Variants in PATJ observed in about 807,000 individuals in gnomAD.
The protein encoded by PATJ is inaD-like protein.
In PATJ, 190 loss-of-function variants were observed where a neutral mutation model predicts 224.9. That is an observed-to-expected ratio of 0.84 (90% CI 0.75 to 0.95). PATJ has a LOEUF of 0.95. Ranked by LOEUF, PATJ falls within the 40% of genes least tolerant of loss-of-function variation. The pLI, the probability that PATJ is intolerant of heterozygous loss-of-function variation, is 0.00. For synonymous variants in PATJ, 769 were observed against 820.3 expected, an observed-to-expected ratio of 0.94 and a Z score of 1.07; for missense variants, 2,121 against 2,270.3, an observed-to-expected ratio of 0.93 and a Z score of 1.34.
At chr1:61,978,422 TG>T (rs113440349) in intron 27 of PATJ, among the ~76,000 whole-genome samples, 4,184 of 151,904 alleles carry the variant, frequency 0.028, 167 homozygotes, top group African/African-American at 0.072. Flanking sequence ...TGTGCTACCA[TG>T]CCCAGCTAAT....
At chr1:62,133,725 G>A (rs1024143543) in intron 41 of PATJ, among the ~76,000 whole-genome samples, 1 of 151,398 alleles carries the variant, frequency 6.6e-6, no homozygotes, top group Non-Finnish European at 1.5e-5. Context: ...TGCAGGAGTG[G>A]AGTGGGATTC....
intron 26 of PATJ, among the ~76,000 whole-genome samples, chr1:61,922,913 T>C (rs1386079513): frequency 1.3e-5 from 2 of 152,244 alleles, no homozygotes; most frequent in East Asian, 3.8e-4. Flanking sequence ...CGTAGGTGAA[T>C]GAACTTGTTA....
At chr1:61,990,416 T>C in intron 28 of PATJ, 52 bp downstream of exon 28, 1 of 1,324,608 alleles carries the variant, frequency 7.5e-7, no homozygotes, top group Non-Finnish European at 1.0e-6. Flanking sequence ...ATGGGTGCAG[T>C]GGATGTTGTA....
chr1:61,946,997 G>A (rs1199408310), intron 27 of PATJ, among the ~76,000 whole-genome samples: 1 of 152,102 alleles, frequency 6.6e-6, no homozygotes, highest in African/African-American at 2.4e-5. Flanking sequence ...TTCAGAAAAG[G>A]CCTTTGACAA....
In PATJ at chr1:62,076,946, G is replaced by T. The variant is rs563773816; in HGVS notation, c.4126-2504G>T. On this transcript the variant is annotated intron_variant, in intron 31 of 43. Transcript: ENST00000642238. ...AGCATAAGAGTCTGTGTGTGGCTGT[G>T]TGTGGTCAGTTGGGGAATGATATGG... Among the ~76,000 whole-genome samples the T allele has an allele frequency of 1.3e-5, 2 of 152,314 alleles. 1 individual carries two copies. The highest frequency in any genetic ancestry group is 4.8e-5 in the African/African-American group (2 of 41,572).
chr1:62,128,756 T>C, intron 40 of PATJ, 85 bp from the exon 41 acceptor site: 4 of 930,790 alleles, frequency 4.3e-6, no homozygotes, highest in Admixed American at 1.7e-5. Flanking sequence ...AAATGGGAAA[T>C]AGGACTCGCA....
At chr1:62,000,782 C>T (rs1645715540) in intron 28 of PATJ, among the ~76,000 whole-genome samples, 1 of 150,794 alleles carries the variant, frequency 6.6e-6, no homozygotes. Flanking sequence ...CACTGACTTC[C>T]CCAAGGGTTG....
At chr1:62,003,197 A>G (rs1216973994) in intron 28 of PATJ, among the ~76,000 whole-genome samples, 2 of 152,170 alleles carry the variant, frequency 1.3e-5, no homozygotes, top group Non-Finnish European at 2.9e-5. Context: ...CACCTACTTC[A>G]TTTGGTCAAG....
intron 28 of PATJ, among the ~76,000 whole-genome samples, chr1:62,008,567 G>T (rs2886449): frequency 0.03 from 4,575 of 151,628 alleles, 217 homozygotes; most frequent in African/African-American, 0.11. Flanking sequence ...GACCAGCCTG[G>T]GTAACATGGC....
At chr1:61,920,058 C>T (rs1001810864) in intron 26 of PATJ, among the ~76,000 whole-genome samples, 3 of 151,790 alleles carry the variant, frequency 2.0e-5, no homozygotes, top group Non-Finnish European at 4.4e-5. Flanking sequence ...AATGATTGCC[C>T]CTTTTGATAC....
chr1:61,749,809 G>T (rs1218721279), intron 1 of PATJ, among the ~76,000 whole-genome samples: 1 of 151,956 alleles, frequency 6.6e-6, no homozygotes, highest in Non-Finnish European at 1.5e-5. Context: ...CTCCTGAGTA[G>T]CTGGGAGTAC....
chr1:61,775,116 A>G (rs1418292055), intron 6 of PATJ, 90 bp from the exon 7 acceptor site: 9 of 1,325,290 alleles, frequency 6.8e-6, no homozygotes, highest in African/African-American at 4.5e-5. Context: ...ATTTGTTGCA[A>G]ATCTGTTACT....
intron 1 of PATJ, 69 bp downstream of exon 1, chr1:61,742,624 C>G (rs2148104132): frequency 6.6e-6 from 1 of 152,236 alleles, no homozygotes; most frequent in East Asian, 1.9e-4. Flanking sequence ...GGAGGCCGGC[C>G]GGGGGCAGCT....
intron 28 of PATJ, among the ~76,000 whole-genome samples, chr1:61,991,146 C>A (rs1019380428): frequency 2.0e-5 from 3 of 151,658 alleles, no homozygotes; most frequent in Non-Finnish European, 4.4e-5. Flanking sequence ...AGAAAACAGA[C>A]GTGAAAAGAT....
chr1:61,894,919 G>A (rs1410813740), intron 22 of PATJ, among the ~76,000 whole-genome samples: 1 of 152,188 alleles, frequency 6.6e-6, no homozygotes, highest in African/African-American at 2.4e-5. Context: ...GGACAATGAA[G>A]TCCAGGCTGA....
rs1167379473 is a variant in PATJ at position 61,910,659 on chromosome 1, A to T, written c.3492+2177A>T. ...TCTCCTTGGCTCAAGCAATCTTCCC[A>T]GTTCAGCCTCCCAAGTGGCTGGGAC... On this transcript the variant is annotated intron_variant, in intron 25 of 43. Coordinates refer to ENST00000642238, the MANE Select transcript of PATJ (RefSeq NM_001350145.3). Among the ~76,000 whole-genome samples the T allele has an allele frequency of 1.1e-4, 15 of 140,246 alleles. No homozygotes were observed. In the Admixed American group the frequency reaches 1.1e-3, roughly 11 times the overall value. 92.0% of individuals were successfully genotyped at this position (140,246 alleles called of 152,430 possible).
Position 62,084,496 on chromosome 1 carries a change from G to A in PATJ, c.4244-19G>A. 6.2e-7 allele frequency: 1 copy of A among 1,605,286 alleles called. No homozygotes were observed. Among genetic ancestry groups the A allele is most frequent in the African/African-American group, 1.3e-5 (1 of 74,608 alleles). On this transcript the variant is annotated intron_variant, in intron 32 of 43. Coordinates refer to ENST00000642238, the MANE Select transcript of PATJ (RefSeq NM_001350145.3). ...GCAGCTCTTACATGCCAGTCATGCT[G>A]TGTTCAATTCTTTTCCAGGTGGTTT...
chr1:61,751,718 A>G (rs1395987619), intron 1 of PATJ, among the ~76,000 whole-genome samples: 1 of 151,902 alleles, frequency 6.6e-6, no homozygotes, highest in African/African-American at 2.4e-5. Flanking sequence ...CTCAGCTACT[A>G]GGGAGGCTGA....
chr1:61,755,199 C>T (rs1025256614), intron 1 of PATJ, among the ~76,000 whole-genome samples: 1 of 150,184 alleles, frequency 6.7e-6, no homozygotes, highest in African/African-American at 2.5e-5. Context: ...GTCCCAGCTA[C>T]TCGGGAGGCT....
Sources: allele counts gnomAD v4.1 joint callset (sites outside exome capture counted in the v4.1 genomes callset), GRCh38; gene constraint gnomAD v4.1.1; transcripts MANE v1.5; gene names NCBI Gene and HGNC (gene_info 2026-07-23, HGNC 2026-07-21).